The following FGD5 variants were observed in gnomAD, a reference collection of about 807,000 sequenced individuals.
The protein encoded by FGD5 is FYVE, RhoGEF and PH domain-containing protein 5.
Under a neutral mutation model 133.4 loss-of-function variants are expected in FGD5, and 28 were observed. The ratio of observed to expected loss-of-function variants is 0.21; its 90% CI spans 0.16 to 0.29. The LOEUF is 0.29. FGD5 is among the 10% of genes least tolerant of loss of function. The pLI is 1.00. For missense variants in FGD5, 1,858 were observed against 1,895.2 expected, an observed-to-expected ratio of 0.98 and a Z score of 0.36; for synonymous variants, 810 against 776.5, an observed-to-expected ratio of 1.04 and a Z score of -0.72.
At chr3:14,858,669 G>A (rs1320171447) in intron 1 of FGD5, among the ~76,000 whole-genome samples, 6 of 152,306 alleles carry the variant, frequency 3.9e-5, no homozygotes, top group African/African-American at 9.6e-5. Flanking sequence ...AAAATATAGA[G>A]CCTTGCAGGC....
intron 1 of FGD5, among the ~76,000 whole-genome samples, chr3:14,840,146 CTTTT>C (rs59846352): frequency 2.1e-5 from 3 of 145,542 alleles, no homozygotes; most frequent in Admixed American, 6.8e-5. Flanking sequence ...ATGTTTCTTT[CTTTT>C]TTTTTTTTTT....
chr3:14,880,838 G>T, intron 4 of FGD5, 66 bp downstream of exon 4: 1 of 1,575,942 alleles, frequency 6.3e-7, no homozygotes. Flanking sequence ...ATAAGAGGCA[G>T]GAAAGCAATG....
At chr3:14,822,732 A>G (rs1300196117) in intron 1 of FGD5, among the ~76,000 whole-genome samples, 1 of 152,214 alleles carries the variant, frequency 6.6e-6, no homozygotes, top group East Asian at 1.9e-4. Context: ...AATTAACGAG[A>G]AACAAAAGTG....
intron 1 of FGD5, among the ~76,000 whole-genome samples, chr3:14,844,212 AAAAAAATATATATATATATATATAT>A (rs1268757739): frequency 3.1e-5 from 1 of 32,150 alleles, no homozygotes; most frequent in African/African-American, 1.3e-4. Flanking sequence ...ATTAAAAAAA[AAAAAAATATATATATATATATATAT>A]ATATATATAT....
intron 1 of FGD5, among the ~76,000 whole-genome samples, chr3:14,824,743 A>T (rs2036570540): frequency 6.6e-6 from 1 of 152,154 alleles, no homozygotes; most frequent in African/African-American, 2.4e-5. Context: ...CATCTTTTTT[A>T]TTTAGAAAAA....
intron 10 of FGD5, among the ~76,000 whole-genome samples, chr3:14,908,625 G>T (rs74429687): frequency 6.6e-6 from 1 of 152,058 alleles, no homozygotes; most frequent in African/African-American, 2.4e-5. Flanking sequence ...GGTGGCTCAT[G>T]CCTGTAATCC....
In FGD5 at chr3:14,917,471, A is replaced by C; in HGVS notation, c.3489+139A>C. On this transcript the variant is annotated intron_variant, in intron 12 of 19. Coordinates refer to ENST00000285046, the MANE Select transcript of FGD5 (RefSeq NM_152536.4). The surrounding 1 kb of genome is among the most constrained non-coding windows in gnomAD (Gnocchi z 4.1). ...GCGGAAACAGTGTTGGGCTACAGCA[A>C]GTTTGTGCTGTAAGTTGCCCAGGGA... 1 of 737,370 alleles carries C rather than the reference A, an allele frequency of 1.4e-6. No homozygotes were observed. Among genetic ancestry groups the C allele is most frequent in the South Asian group, 1.9e-5 (1 of 53,880 alleles). The allele number at this position is 737,370 out of a possible 1,614,324, so 45.7% of individuals were successfully genotyped here. A position where few individuals can be genotyped will look rare whatever the true frequency, so the allele number is the denominator to read the frequency against.
At chr3:14,902,761 C>A (rs1325947547) in intron 9 of FGD5, among the ~76,000 whole-genome samples, 1 of 152,200 alleles carries the variant, frequency 6.6e-6, no homozygotes, top group Non-Finnish European at 1.5e-5. Context: ...CGAGGAATAG[C>A]AGCAGATGGG....
intron 1 of FGD5, among the ~76,000 whole-genome samples, chr3:14,825,164 C>T (rs2036576662): frequency 6.6e-6 from 1 of 152,216 alleles, no homozygotes; most frequent in Non-Finnish European, 1.5e-5. Context: ...AAAGTTTCTT[C>T]TGTGTAGTTA....
At chr3:14,830,846 C>T (rs1352885565) in intron 1 of FGD5, among the ~76,000 whole-genome samples, 3 of 152,168 alleles carry the variant, frequency 2.0e-5, no homozygotes, top group African/African-American at 4.8e-5. Flanking sequence ...TATTCTGAGC[C>T]GGGTGCTGCT....
intron 1 of FGD5, among the ~76,000 whole-genome samples, chr3:14,855,032 C>T (rs2037250721): frequency 6.6e-6 from 1 of 152,176 alleles, no homozygotes; most frequent in Admixed American, 6.5e-5. Flanking sequence ...TCCTTCCCAG[C>T]CTCTAGTATC....
At chr3:14,852,590 C>T (rs1221981841) in intron 1 of FGD5, among the ~76,000 whole-genome samples, 1 of 152,150 alleles carries the variant, frequency 6.6e-6, no homozygotes, top group East Asian at 1.9e-4. Context: ...ACTCATATCT[C>T]ATTAATGCTA....
intron 7 of FGD5, 84 bp from the exon 8 acceptor site, chr3:14,900,319 G>A (rs891301792): frequency 2.1e-5 from 29 of 1,378,126 alleles, no homozygotes; most frequent in Non-Finnish European, 2.8e-5. Flanking sequence ...TTCCAACTCT[G>A]GCAAGAGAGG....
At chr3:14,865,457 G>A (rs1015909595) in intron 2 of FGD5, among the ~76,000 whole-genome samples, 3 of 152,120 alleles carry the variant, frequency 2.0e-5, no homozygotes, top group Non-Finnish European at 4.4e-5. Flanking sequence ...TGCTACAGGA[G>A]CCCTCAAGAG....
At position 14,820,356 on chromosome 3, in the gene FGD5, C is replaced by G; in HGVS notation, c.1285C>G (p.Pro429Ala). 1 of 1,613,326 alleles carries G rather than the reference C, an allele frequency of 6.2e-7. No homozygotes were observed. Among genetic ancestry groups the G allele is most frequent in the Non-Finnish European group, 8.5e-7 (1 of 1,179,598 alleles). Reference protein sequence around the residue: ...EEALDDALANPYVMGVGLPGQ... With the variant: ...EEALDDALANAYVMGVGLPGQ... ...GGCCTTGGATGATGCACTGGCCAAC[C>G]CCTATGTGATGGGAGTGGGCCTGCC... Residue 429 changes from proline to alanine, a missense_variant, in exon 1 of 20, where the codon CCC (proline) becomes GCC (alanine). By Grantham distance (27) the Pro-to-Ala change is conservative. Transcript: ENST00000285046.
Position 14,923,188 on chromosome 3 carries a change from C to T in FGD5, c.3937+13C>T. The T allele has an allele frequency of 6.2e-7, 1 of 1,608,710 alleles. No individual in the cohort carries two copies. The highest frequency in any genetic ancestry group is 8.5e-7 in the Non-Finnish European group (1 of 1,177,896). On this transcript the variant is annotated intron_variant, in intron 16 of 19. Transcript: ENST00000285046. ...GGCCTGATGAGAGGTAACCTGGGGACCACTTGCCTTCTTCCAAGTGGCCTG... is the reference window on the plus strand; with the variant it reads ...GGCCTGATGAGAGGTAACCTGGGGATCACTTGCCTTCTTCCAAGTGGCCTG...
At chr3:14,811,821 C>T (rs894371088) in intron 1 of FGD5, among the ~76,000 whole-genome samples, 7 of 152,266 alleles carry the variant, frequency 4.6e-5, no homozygotes, top group African/African-American at 1.4e-4. Flanking sequence ...GGAACAGTCC[C>T]AGCTAACTTC....
intron 2 of FGD5, among the ~76,000 whole-genome samples, chr3:14,871,479 G>A (rs528230869): frequency 3.0e-4 from 46 of 152,330 alleles, no homozygotes; most frequent in African/African-American, 1.0e-3. Context: ...AGTCCAACCT[G>A]CATTTTTGAT....
chr3:14,895,825 C>T (rs1161314413), intron 4 of FGD5, among the ~76,000 whole-genome samples: 1 of 151,892 alleles, frequency 6.6e-6, no homozygotes, highest in Non-Finnish European at 1.5e-5. Context: ...ATCTTTGGCC[C>T]TAAGTGCTGA....
Sources: allele counts gnomAD v4.1 joint callset (sites outside exome capture counted in the v4.1 genomes callset), GRCh38; gene constraint gnomAD v4.1.1; non-coding constraint Gnocchi (gnomAD v3.1); transcripts MANE v1.5; gene names NCBI Gene and HGNC (gene_info 2026-07-23, HGNC 2026-07-21).